The following PNP variants were observed in gnomAD, a reference collection of about 807,000 sequenced individuals.
The protein encoded by PNP is purine nucleoside phosphorylase.
PNP carries 18 observed loss-of-function variants against 26.8 expected under a neutral mutation model. That is an observed-to-expected ratio of 0.67 (90% CI 0.46 to 1.00). The LOEUF (loss-of-function observed/expected upper bound fraction) is 1.00, where lower values mean the gene tolerates loss of function less well. Ranked by LOEUF, PNP falls within the 50% of genes least tolerant of loss-of-function variation. The probability of loss-of-function intolerance (pLI) is 0.00; values close to 1 mark genes in which losing one functional copy is unlikely to be tolerated. For missense variants in PNP, 320 were observed against 362.9 expected, an observed-to-expected ratio of 0.88 and a Z score of 0.96; for synonymous variants, 116 against 124.8, an observed-to-expected ratio of 0.93 and a Z score of 0.47.
In PNP at chr14:20,476,548, C is replaced by T; in HGVS notation, c.817C>T (p.Gln273Ter). 2 of 1,614,200 alleles carry T rather than the reference C, an allele frequency of 1.2e-6. No homozygotes were observed. The highest frequency in any genetic ancestry group is 1.1e-5 in the South Asian group (1 of 91,076). Reference sequence around the variant, plus strand: ...CAAACAAGCTGCACAGAAATTGGAACAGTTTGTCTCCATTCTTATGGCCAG... The same window carrying T: ...CAAACAAGCTGCACAGAAATTGGAATAGTTTGTCTCCATTCTTATGGCCAG... Reference protein sequence around the residue: ...AGKQAAQKLEQFVSILMASIP... With the variant: ...AGKQAAQKLE Residue 273 changes from glutamine to a stop codon, truncating the protein, a stop_gained, in exon 6 of 6, where the codon CAG becomes TAG. Coordinates refer to ENST00000361505, the MANE Select transcript of PNP (RefSeq NM_000270.4). LOFTEE classifies it low-confidence loss of function (END_TRUNC).
At position 20,474,639 on chromosome 14, in the gene PNP, T is replaced by C. The variant is rs1300278894; in HGVS notation, c.285+64T>C. The C allele has an allele frequency of 3.2e-6, 5 of 1,542,460 alleles. No individual in the cohort carries two copies. The African/African-American group carries it at 6.8e-5, about 21-fold the overall frequency. On this transcript the variant is annotated intron_variant, in intron 3 of 5. Transcript: ENST00000361505. Reference sequence around the variant, plus strand: ...GCAGGAGAGAACTATCTAGCCTCTTTCACTACCTAGCTATCTGGGCTAGGT... The same window carrying C: ...GCAGGAGAGAACTATCTAGCCTCTTCCACTACCTAGCTATCTGGGCTAGGT...
intron 1 of PNP, 50 bp from the exon 2 acceptor site, chr14:20,472,258 A>G: frequency 6.5e-7 from 1 of 1,527,414 alleles, no homozygotes; most frequent in African/African-American, 1.4e-5. Context: ...TTTGTCTGTG[A>G]TGCCCTTGGA....
At chr14:20,472,081 C>T (rs1881998474) in intron 1 of PNP, among the ~76,000 whole-genome samples, 1 of 152,152 alleles carries the variant, frequency 6.6e-6, no homozygotes, top group Non-Finnish European at 1.5e-5. Flanking sequence ...TTAACTTTTG[C>T]CAGGCTCTAG....
In PNP at chr14:20,469,548, C is replaced by A. The variant is rs780278271; in HGVS notation, c.11+13C>A. 3.4e-5 allele frequency: 53 copies of A among 1,554,654 alleles called. No homozygotes were observed. Among genetic ancestry groups the A allele is most frequent in the Non-Finnish European group, 4.4e-5 (50 of 1,149,300 alleles). The stretch of plus-strand genomic sequence containing the variant: ...CCATGGAGAACGGGTGAGGAGGGCA[C>A]CAGGCCCGCAGGACCCTTGGGGAGG... On this transcript the variant is annotated intron_variant, in intron 1 of 5. Transcript: ENST00000361505.
At chr14:20,475,934 T>A (rs1050932911) in intron 5 of PNP, among the ~76,000 whole-genome samples, 1 of 152,126 alleles carries the variant, frequency 6.6e-6, no homozygotes, top group Non-Finnish European at 1.5e-5. Flanking sequence ...TTTTAAGAAA[T>A]GTGTATTTAT....
chr14:20,476,393 C>T lies in PNP; in HGVS notation c.662C>T (p.Thr221Ile), dbSNP rs551176074. Reference protein sequence around the residue: ...KLGADAVGMSTVPEVIVARHC... With the variant: ...KLGADAVGMSIVPEVIVARHC... Reference sequence around the variant, plus strand: ...TCTTTCTCACTATCAGGCATGAGTACAGTACCAGAAGTTATCGTTGCACGG... The same window carrying T: ...TCTTTCTCACTATCAGGCATGAGTATAGTACCAGAAGTTATCGTTGCACGG... The change falls in exon 6 of 6, where the codon ACA (threonine) becomes ATA (isoleucine). Residue 221 changes from threonine (T) to isoleucine (I), a missense_variant. Thr to Ile is a moderately conservative substitution (Grantham distance 89). Coordinates refer to ENST00000361505, the MANE Select transcript of PNP (RefSeq NM_000270.4). The T allele has an allele frequency of 2.5e-6, 4 of 1,613,228 alleles. No homozygotes were observed. The highest frequency in any genetic ancestry group is 2.2e-5 in the South Asian group (2 of 91,056).
At chr14:20,474,279 T>G in intron 2 of PNP, 193 bp from the exon 3 acceptor site, 1 of 574,568 alleles carries the variant, frequency 1.7e-6, no homozygotes. Context: ...TTGGGTTGTA[T>G]TTGTATAATT....
chr14:20,474,058 T>G (rs1882044615), intron 2 of PNP: 1 of 236,474 alleles, frequency 4.2e-6, no homozygotes, highest in Non-Finnish European at 8.5e-6. Context: ...TGTCTATTAT[T>G]TCACTCTGTA....
chr14:20,469,723 G>C, intron 1 of PNP, 188 bp downstream of exon 1: 2 of 776,368 alleles, frequency 2.6e-6, no homozygotes, highest in Non-Finnish European at 2.1e-6. Context: ...CGCGGGCAGG[G>C]ACGCACGCGG....
chr14:20,476,615 C>T lies in PNP; in HGVS notation c.*14C>T, dbSNP rs375289878. The T allele has an allele frequency of 4.0e-5, 65 of 1,607,884 alleles. No individual in the cohort carries two copies. The highest frequency in any genetic ancestry group is 8.3e-5 in the Admixed American group (5 of 59,982). On this transcript the variant is annotated 3_prime_UTR_variant, in exon 6 of 6. Coordinates refer to ENST00000361505, the MANE Select transcript of PNP (RefSeq NM_000270.4). ...AAAGCCAGTTGACCTGCCTTGGAGTCGTCTGGCATCTCCCACACAAGACCC... is the reference window on the plus strand; with the variant it reads ...AAAGCCAGTTGACCTGCCTTGGAGTTGTCTGGCATCTCCCACACAAGACCC...
At chr14:20,473,019 A>T (rs184415481) in intron 2 of PNP, 15 of 158,316 alleles carry the variant, frequency 9.5e-5, no homozygotes, top group Admixed American at 9.1e-4. Flanking sequence ...TCCACTGGCC[A>T]CTCCTACCCC....
intron 1 of PNP, chr14:20,470,742 G>C (rs1594425388): frequency 6.6e-6 from 1 of 152,508 alleles, no homozygotes; most frequent in African/African-American, 2.4e-5. Flanking sequence ...AGGCAGGGAG[G>C]GGGAAGGACA....
In PNP at chr14:20,474,522, T is replaced by C; in HGVS notation, c.232T>C (p.Cys78Arg). 1 of 1,614,192 alleles carries C rather than the reference T, an allele frequency of 6.2e-7. No homozygotes were observed. Among genetic ancestry groups the C allele is most frequent in the African/African-American group, 1.3e-5 (1 of 75,044 alleles). ...LVFGFLNGRA[C>R]VMMQGRFHMY... ...GTTTGGGTTCCTGAATGGCAGGGCCTGTGTGATGATGCAGGGCAGGTTCCA... is the reference window on the plus strand; with the variant it reads ...GTTTGGGTTCCTGAATGGCAGGGCCCGTGTGATGATGCAGGGCAGGTTCCA... Residue 78 changes from cysteine to arginine, a missense_variant, in exon 3 of 6, where the codon TGT becomes CGT. By Grantham distance (180) the Cys-to-Arg change is radical. Transcript: ENST00000361505.
intron 1 of PNP, among the ~76,000 whole-genome samples, chr14:20,471,352 A>G (rs1358786067): frequency 2.0e-5 from 3 of 151,524 alleles, no homozygotes; most frequent in Non-Finnish European, 2.9e-5. Context: ...CCCAGCCCCT[A>G]AACCTGGTTT....
chr14:20,470,142 C>T (rs1472786029), intron 1 of PNP, among the ~76,000 whole-genome samples: 1 of 152,190 alleles, frequency 6.6e-6, no homozygotes, highest in Non-Finnish European at 1.5e-5. Context: ...CCCCACCCCA[C>T]GCCTTTGAAA....
chr14:20,474,550 T>G lies in PNP; in HGVS notation c.260T>G (p.Met87Arg), dbSNP rs746316064. The change falls in exon 3 of 6, where the codon ATG becomes AGG. Residue 87 changes from methionine to arginine, a missense_variant. Coordinates refer to ENST00000361505, the MANE Select transcript of PNP (RefSeq NM_000270.4). ...ACVMMQGRFH[M>R]YEGYPLWKVT... Reference sequence around the variant, plus strand: ...GTGATGATGCAGGGCAGGTTCCACATGTATGAAGGGTACCCACTCTGGAAG... The same window carrying G: ...GTGATGATGCAGGGCAGGTTCCACAGGTATGAAGGGTACCCACTCTGGAAG... 5 of 1,614,098 alleles carry G rather than the reference T, an allele frequency of 3.1e-6. No individual in the cohort carries two copies. The highest frequency in any genetic ancestry group is 2.7e-5 in the African/African-American group (2 of 75,014).
chr14:20,475,263 G>A lies in PNP; in HGVS notation c.652+11G>A. 2 of 1,608,864 alleles carry A rather than the reference G, an allele frequency of 1.2e-6. No homozygotes were observed. The highest frequency in any genetic ancestry group is 1.1e-5 in the South Asian group (1 of 90,926). ...GAGCAGACGCTGTTGGTGAGAAGGG[G>A]AATTTGGCTGGAAGCTTGAAGAGGG... On this transcript the variant is annotated intron_variant, in intron 5 of 5. Transcript: ENST00000361505.
At chr14:20,469,608 G>A in intron 1 of PNP, 73 bp downstream of exon 1, 1 of 1,539,964 alleles carries the variant, frequency 6.5e-7, no homozygotes, top group Non-Finnish European at 8.8e-7. Flanking sequence ...TGGCACACTG[G>A]GCCCAGAGGG....
intron 1 of PNP, chr14:20,470,562 C>A (rs1162988871): frequency 6.6e-6 from 1 of 152,228 alleles, no homozygotes; most frequent in South Asian, 2.1e-4. Flanking sequence ...CACCTCATTG[C>A]CACCTCTGAA....
Sources: allele counts gnomAD v4.1 joint callset (sites outside exome capture counted in the v4.1 genomes callset), GRCh38; gene constraint gnomAD v4.1.1; transcripts MANE v1.5; gene names NCBI Gene and HGNC (gene_info 2026-07-23, HGNC 2026-07-21).